The following CFAP77 variants were observed in gnomAD, a reference collection of about 807,000 sequenced individuals.
CFAP77 encodes the protein cilia and flagella associated protein 77, also known as cilia- and flagella-associated protein 77.
In CFAP77, 25 loss-of-function variants were observed where a neutral mutation model predicts 31.1. That is an observed-to-expected ratio of 0.80 (90% CI 0.59 to 1.12). CFAP77 has a LOEUF of 1.12. Among genes scored for constraint, CFAP77 ranks in the 50% most tolerant of loss-of-function variants. The pLI is 0.00. For missense variants in CFAP77, 377 were observed against 397.3 expected (o/e 0.95, Z 0.44); for synonymous variants, 151 against 159.9 (o/e 0.94, Z 0.42).
chr9:132,465,721 C>T (rs576249599), intron 1 of CFAP77, among the ~76,000 whole-genome samples: 1 of 152,312 alleles, frequency 6.6e-6, no homozygotes, highest in East Asian at 1.9e-4. Context: ...CTACCCATAA[C>T]GTTTTCTAAA....
chr9:132,540,133 T>C (rs1244676781), intron 4 of CFAP77, among the ~76,000 whole-genome samples: 2 of 152,152 alleles, frequency 1.3e-5, no homozygotes, highest in Non-Finnish European at 2.9e-5. Context: ...TCTCACCTTG[T>C]TGGCCAGGCT....
At chr9:132,492,671 G>A (rs574308331) in intron 1 of CFAP77, among the ~76,000 whole-genome samples, 22 of 152,308 alleles carry the variant, frequency 1.4e-4, no homozygotes, top group African/African-American at 4.3e-4. Context: ...GTTACACCAC[G>A]TTACAGGATT....
chr9:132,493,893 T>C (rs1279651242), intron 1 of CFAP77, among the ~76,000 whole-genome samples: 1 of 151,856 alleles, frequency 6.6e-6, no homozygotes, highest in African/African-American at 2.4e-5. Flanking sequence ...TCTTTTCTTT[T>C]CTTTCCTTCC....
chr9:132,454,835 C>T lies in CFAP77; in HGVS notation c.196-43860C>T, dbSNP rs76126852. ...GCCCTCCTGGTAGACATGTGGACCT[C>T]AGGCACCTAAGGCCATCTGTTGACT... On this transcript the variant is annotated intron_variant, in intron 1 of 5. Coordinates refer to ENST00000393216, the MANE Select transcript of CFAP77 (RefSeq NM_001282957.2). 4.7e-3 allele frequency among the ~76,000 whole-genome samples: 721 copies of T among 152,250 alleles called. 6 individuals carry two copies. Among genetic ancestry groups the T allele is most frequent in the African/African-American group, 0.016 (673 of 41,534 alleles).
At chr9:132,544,319 A>G (rs1852697595) in intron 5 of CFAP77, among the ~76,000 whole-genome samples, 1 of 152,110 alleles carries the variant, frequency 6.6e-6, no homozygotes, top group Admixed American at 6.6e-5. Context: ...GAGTCACTGC[A>G]GCTCCGCAGC....
rs150013284 is a variant in CFAP77 at position 132,467,597 on chromosome 9, C to T, written c.196-31098C>T. Reference sequence around the variant, plus strand: ...ATATGTTGTTTGTTCATTCTTCCATCGATGGACACTTGGGTTGTTTCCACC... The same window carrying T: ...ATATGTTGTTTGTTCATTCTTCCATTGATGGACACTTGGGTTGTTTCCACC... On this transcript the variant is annotated intron_variant, in intron 1 of 5. Transcript: ENST00000393216. 6.4e-3 allele frequency among the ~76,000 whole-genome samples: 980 copies of T among 152,290 alleles called. 10 individuals are homozygous for T. Among genetic ancestry groups the T allele is most frequent in the African/African-American group, 0.022 (911 of 41,552 alleles).
intron 1 of CFAP77, among the ~76,000 whole-genome samples, chr9:132,446,707 C>G (rs142839510): frequency 0.012 from 1,769 of 144,924 alleles, 15 homozygotes; most frequent in Middle Eastern, 0.029. Context: ...CACCACTGCA[C>G]TCCAGCCTGG....
Position 132,517,122 on chromosome 9 carries a change from C to T in CFAP77, c.524+17522C>T, listed in dbSNP as rs921883640. Among the ~76,000 whole-genome samples the T allele has an allele frequency of 2.6e-5, 4 of 152,084 alleles. No homozygotes were observed. Among genetic ancestry groups the T allele is most frequent in the Non-Finnish European group, 5.9e-5 (4 of 68,024 alleles). On this transcript the variant is annotated intron_variant, in intron 3 of 5. Coordinates refer to ENST00000393216, the MANE Select transcript of CFAP77 (RefSeq NM_001282957.2). The surrounding 1 kb of genome is among the most constrained non-coding windows in gnomAD (Gnocchi z 4.7). Reference sequence around the variant, plus strand: ...CCACTTCTGGGTGTCCCTCATGGATCGGGTGTCGATTTCGTATCGTGGAGA... The same window carrying T: ...CCACTTCTGGGTGTCCCTCATGGATTGGGTGTCGATTTCGTATCGTGGAGA...
chr9:132,477,427 T>A (rs879798817), intron 1 of CFAP77, among the ~76,000 whole-genome samples: 1 of 152,218 alleles, frequency 6.6e-6, no homozygotes, highest in Admixed American at 6.5e-5. Context: ...AAGAGAAAGA[T>A]GATGACCCAA....
At chr9:132,568,169 T>C (rs1054154890) in intron 5 of CFAP77, among the ~76,000 whole-genome samples, 1 of 152,010 alleles carries the variant, frequency 6.6e-6, no homozygotes, top group African/African-American at 2.4e-5. Flanking sequence ...GACTTGGAAA[T>C]GGGAGCTGCT....
In CFAP77 at chr9:132,552,355, C is replaced by T. The variant is rs527765226; in HGVS notation, c.732+9308C>T. On this transcript the variant is annotated intron_variant, in intron 5 of 5. Coordinates refer to ENST00000393216, the MANE Select transcript of CFAP77 (RefSeq NM_001282957.2). The surrounding 1 kb of genome is among the most constrained non-coding windows in gnomAD (Gnocchi z 5.5). ...AAGCTGCTCCTTTAGATGAGTTATT[C>T]GAAAACTTGGCTTTGCCTGGGATCC... is the stretch of plus-strand genomic sequence containing the variant. Among the ~76,000 whole-genome samples the T allele has an allele frequency of 1.3e-5, 2 of 152,170 alleles. No homozygotes were observed. The highest frequency in any genetic ancestry group is 4.8e-5 in the African/African-American group (2 of 41,452).
At chr9:132,561,645 ACACACACACACACACACC>A (rs1432989606) in intron 5 of CFAP77, among the ~76,000 whole-genome samples, 1,489 of 108,586 alleles carry the variant, frequency 0.014, 36 homozygotes, top group African/African-American at 0.088. Context: ...ACACACACAC[ACACACACACACACACACC>A]CCCTCCATGT....
intron 3 of CFAP77, among the ~76,000 whole-genome samples, chr9:132,509,243 C>T (rs1016022580): frequency 3.3e-5 from 5 of 152,152 alleles, no homozygotes; most frequent in Non-Finnish European, 5.9e-5. Context: ...TCACAGGTGG[C>T]GAATGGAGGT....
chr9:132,476,052 A>G (rs1485034389), intron 1 of CFAP77, among the ~76,000 whole-genome samples: 1 of 152,210 alleles, frequency 6.6e-6, no homozygotes, highest in Non-Finnish European at 1.5e-5. Flanking sequence ...ATAGCTCTGC[A>G]TTCAGCATTC....
At chr9:132,537,411 A>G (rs1589914233) in intron 3 of CFAP77, among the ~76,000 whole-genome samples, 190 bp from the exon 4 acceptor site, 1 of 152,138 alleles carries the variant, frequency 6.6e-6, no homozygotes, top group East Asian at 1.9e-4. Flanking sequence ...TCCCAGGCCC[A>G]CCACTCATCA....
At chr9:132,492,476 T>C (rs1564225979) in intron 1 of CFAP77, among the ~76,000 whole-genome samples, 1 of 152,088 alleles carries the variant, frequency 6.6e-6, no homozygotes, top group Non-Finnish European at 1.5e-5. Flanking sequence ...TCTGTGCACA[T>C]GAAAATACAA....
At position 132,497,877 on chromosome 9, in the gene CFAP77, G is replaced by A. The variant is rs181403840; in HGVS notation, c.196-818G>A. ...AGGACAGGGTCTCTGACCTCGAGGAGCTGCTGTGATAAAGGGAGACCGCGT... is the reference window on the plus strand; with the variant it reads ...AGGACAGGGTCTCTGACCTCGAGGAACTGCTGTGATAAAGGGAGACCGCGT... On this transcript the variant is annotated intron_variant, in intron 1 of 5. Coordinates refer to ENST00000393216, the MANE Select transcript of CFAP77 (RefSeq NM_001282957.2). This position sits in a 1 kb window ranked among gnomAD's most constrained non-coding sequence, Gnocchi z 4.9. 4.0e-3 allele frequency among the ~76,000 whole-genome samples: 602 copies of A among 152,298 alleles called. 5 individuals carry two copies. Among genetic ancestry groups the A allele is most frequent in the African/African-American group, 0.014 (580 of 41,554 alleles).
At chr9:132,430,116 G>A (rs1004099369) in intron 1 of CFAP77, among the ~76,000 whole-genome samples, 4 of 151,840 alleles carry the variant, frequency 2.6e-5, no homozygotes. Context: ...TTCTGGTGGT[G>A]GTTTCCTCTG....
chr9:132,554,320 A>G lies in CFAP77; in HGVS notation c.732+11273A>G, dbSNP rs980618045. Among the ~76,000 whole-genome samples, 3 of 151,974 alleles carry G rather than the reference A, an allele frequency of 2.0e-5. No individual in the cohort carries two copies. The highest frequency in any genetic ancestry group is 4.4e-5 in the Non-Finnish European group (3 of 67,968). The stretch of plus-strand genomic sequence containing the variant: ...GAGTTGCTACACTTTTCTTCAGACT[A>G]TGCTTTATGCAACCCTTATTTTTAT... On this transcript the variant is annotated intron_variant, in intron 5 of 5. Coordinates refer to ENST00000393216, the MANE Select transcript of CFAP77 (RefSeq NM_001282957.2). This position sits in a 1 kb window ranked among gnomAD's most constrained non-coding sequence, Gnocchi z 4.1.
Sources: allele counts gnomAD v4.1 joint callset (sites outside exome capture counted in the v4.1 genomes callset), GRCh38; gene constraint gnomAD v4.1.1; non-coding constraint Gnocchi (gnomAD v3.1); transcripts MANE v1.5; gene names NCBI Gene and HGNC (gene_info 2026-07-23, HGNC 2026-07-21).